The following LIAT1 variants were observed in gnomAD, a reference collection of about 807,000 sequenced individuals.
The protein encoded by LIAT1 is ligand of ATE1.
chr17:413,359 G>A, the LIAT1 span: 2 of 1,614,206 alleles, frequency 1.2e-6, no homozygotes, highest in East Asian at 2.2e-5. Flanking sequence ...GTCTGCGTTG[G>A]GATGGAATTC....
At chr17:414,366 G>T in the LIAT1 span, 1 of 494,578 alleles carries the variant, frequency 2.0e-6, no homozygotes, top group Admixed American at 3.8e-5. This position sits in a 1 kb window ranked among gnomAD's most constrained non-coding sequence, Gnocchi z 4.1. Flanking sequence ...AAGCATCTCT[G>T]TTACTTAATT....
the LIAT1 span, among the ~76,000 whole-genome samples, chr17:412,386 T>C: frequency 1.3e-5 from 2 of 151,938 alleles, no homozygotes; most frequent in Non-Finnish European, 2.9e-5. Context: ...ACTGTAGAAA[T>C]TACAGTGACA....
the LIAT1 span, chr17:413,275 C>T: frequency 6.2e-7 from 1 of 1,614,110 alleles, no homozygotes; most frequent in African/African-American, 1.3e-5. Flanking sequence ...AGAAGCACCT[C>T]CCTTCTGACT....
At chr17:412,348 G>A in the LIAT1 span, among the ~76,000 whole-genome samples, 3 of 148,426 alleles carry the variant, frequency 2.0e-5, no homozygotes, top group Non-Finnish European at 4.6e-5. Context: ...AAATTTGGCA[G>A]TTCATTGTCC....
At chr17:413,948 C>T in the LIAT1 span, 1 of 1,614,220 alleles carries the variant, frequency 6.2e-7, no homozygotes. Context: ...CCACACTGAC[C>T]CCAATGCCGA....
At chr17:411,197 C>T in the LIAT1 span, among the ~76,000 whole-genome samples, 2 of 152,196 alleles carry the variant, frequency 1.3e-5, no homozygotes, top group Non-Finnish European at 2.9e-5. Flanking sequence ...TCGCACCCAC[C>T]AAGGGGCAGC....
chr17:414,003 G>T, the LIAT1 span: 16 of 1,614,110 alleles, frequency 9.9e-6, no homozygotes, highest in Admixed American at 1.2e-4. This position sits in a 1 kb window ranked among gnomAD's most constrained non-coding sequence, Gnocchi z 4.1. Flanking sequence ...AAAGATGGCA[G>T]CTCCAGCCAC....
the LIAT1 span, chr17:414,567 G>A: frequency 6.1e-6 from 1 of 163,522 alleles, no homozygotes; most frequent in Non-Finnish European, 1.3e-5. The surrounding 1 kb of genome is among the most constrained non-coding windows in gnomAD (Gnocchi z 4.1). Flanking sequence ...GCCTTTATAT[G>A]GCCTCAAATA....
the LIAT1 span, chr17:414,177 A>T: frequency 3.3e-4 from 512 of 1,542,030 alleles, 3 homozygotes; most frequent in South Asian, 1.2e-3. This position sits in a 1 kb window ranked among gnomAD's most constrained non-coding sequence, Gnocchi z 4.1. Context: ...ATGTGTTAAA[A>T]ACCATCATCA....
the LIAT1 span, chr17:414,109 G>A: frequency 1.2e-6 from 2 of 1,611,174 alleles, no homozygotes; most frequent in Non-Finnish European, 1.7e-6. The surrounding 1 kb of genome is among the most constrained non-coding windows in gnomAD (Gnocchi z 4.1). Context: ...CTACTCTGCT[G>A]GAGTGAAAAT....
the LIAT1 span, among the ~76,000 whole-genome samples, chr17:410,855 C>G: frequency 6.6e-6 from 1 of 152,132 alleles, no homozygotes; most frequent in African/African-American, 2.4e-5. Flanking sequence ...GTCCCTTAGC[C>G]CCACACAGAG....
At chr17:412,708 G>C in the LIAT1 span, among the ~76,000 whole-genome samples, 1 of 152,206 alleles carries the variant, frequency 6.6e-6, no homozygotes, top group Non-Finnish European at 1.5e-5. Context: ...CTAGGGTAGA[G>C]TCACAGACTC....
the LIAT1 span, chr17:414,508 G>C: frequency 1.6e-5 from 3 of 186,128 alleles, no homozygotes; most frequent in African/African-American, 7.1e-5. The surrounding 1 kb of genome is among the most constrained non-coding windows in gnomAD (Gnocchi z 4.1). Context: ...GGAGGACGAT[G>C]CCCTGAACCT....
At chr17:414,336 G>A in the LIAT1 span, 1 of 553,904 alleles carries the variant, frequency 1.8e-6, no homozygotes, top group South Asian at 2.4e-5. The surrounding 1 kb of genome is among the most constrained non-coding windows in gnomAD (Gnocchi z 4.1). Flanking sequence ...GTTCTTTTCA[G>A]AATTTCCTTT....
chr17:412,333 A>G, the LIAT1 span, among the ~76,000 whole-genome samples: 3 of 152,064 alleles, frequency 2.0e-5, no homozygotes, highest in South Asian at 2.1e-4. Context: ...TGTATCTGCA[A>G]AAAGAAATTT....
chr17:411,255 A>G, the LIAT1 span, among the ~76,000 whole-genome samples: 1 of 152,146 alleles, frequency 6.6e-6, no homozygotes, highest in East Asian at 1.9e-4. Flanking sequence ...ACATCCTCCT[A>G]TAATCCCTGA....
chr17:410,615 G>A, the LIAT1 span: 1 of 1,543,710 alleles, frequency 6.5e-7, no homozygotes, highest in Non-Finnish European at 8.7e-7. Context: ...AAAAAAGGAA[G>A]AAGAAGACCA....
chr17:410,760 G>A, the LIAT1 span: 1 of 972,330 alleles, frequency 1.0e-6, no homozygotes, highest in Non-Finnish European at 1.5e-6. Context: ...GTCCCGGACC[G>A]AGGTCCTCCT....
the LIAT1 span, chr17:413,751 A>C: frequency 6.3e-7 from 1 of 1,593,712 alleles, no homozygotes; most frequent in Admixed American, 1.7e-5. Context: ...AAGGCCCTCA[A>C]GGGCTTCCAC....
Sources: allele counts gnomAD v4.1 joint callset (sites outside exome capture counted in the v4.1 genomes callset), GRCh38; gene constraint gnomAD v4.1.1; non-coding constraint Gnocchi (gnomAD v3.1); transcripts MANE v1.5; gene names NCBI Gene and HGNC (gene_info 2026-07-23, HGNC 2026-07-21).